LNX1: variants seen among roughly 807,000 people sequenced by gnomAD.
LNX1 encodes the protein ligand of numb-protein X 1.
A neutral mutation model predicts 68.4 loss-of-function variants in LNX1; 54 were observed. That is an observed-to-expected ratio of 0.79 (90% confidence interval 0.63 to 0.99). LNX1 has a LOEUF of 0.99. Among genes scored for constraint, LNX1 ranks in the 50% least tolerant of loss-of-function variants. The probability of loss-of-function intolerance (pLI) is 0.00; values close to 1 mark genes in which losing one functional copy is unlikely to be tolerated. For missense variants in LNX1, 906 were observed against 926.4 expected (o/e 0.98, Z 0.29); for synonymous variants, 336 against 350.0 (o/e 0.96, Z 0.45).
At chr4:53,642,890 G>A (rs1282119046) in intron 1 of LNX1, among the ~76,000 whole-genome samples, 1 of 152,154 alleles carries the variant, frequency 6.6e-6, no homozygotes, top group Non-Finnish European at 1.5e-5. Context: ...CGTTATGGTC[G>A]CCTGGGTGTA....
chr4:53,644,913 A>G (rs999698150), intron 1 of LNX1, among the ~76,000 whole-genome samples: 3 of 152,234 alleles, frequency 2.0e-5, no homozygotes, highest in African/African-American at 4.8e-5. Flanking sequence ...CAAGTAGCAC[A>G]GTCAAAATGC....
intron 8 of LNX1, 147 bp from the exon 9 acceptor site, chr4:53,477,128 C>A: frequency 1.4e-6 from 1 of 721,220 alleles, no homozygotes; most frequent in Non-Finnish European, 2.4e-6. Context: ...TGGGTGCTCA[C>A]ATAGCAAATG....
At chr4:53,590,818 A>G (rs1452154396) in intron 1 of LNX1, among the ~76,000 whole-genome samples, 1 of 152,224 alleles carries the variant, frequency 6.6e-6, no homozygotes, top group East Asian at 1.9e-4. Context: ...AACAAAGAGC[A>G]AAGAAAATGG....
chr4:53,602,234 C>G (rs2109836546), intron 2 of LNX1, among the ~76,000 whole-genome samples: 1 of 152,260 alleles, frequency 6.6e-6, no homozygotes. Flanking sequence ...CTAGGTCCTG[C>G]AAGCAACAGA....
intron 2 of LNX1, among the ~76,000 whole-genome samples, chr4:53,536,330 A>T (rs200910255): frequency 6.6e-6 from 1 of 151,732 alleles, no homozygotes; most frequent in African/African-American, 2.4e-5. Context: ...CTCACTCCAC[A>T]TCTTCAAGAG....
At chr4:53,553,885 G>T (rs1197756526) in intron 2 of LNX1, among the ~76,000 whole-genome samples, 1 of 152,186 alleles carries the variant, frequency 6.6e-6, no homozygotes, top group African/African-American at 2.4e-5. Context: ...AAACACACCT[G>T]ATAGCAATAA....
chr4:53,470,855 G>A (rs1723111857), intron 9 of LNX1, among the ~76,000 whole-genome samples: 1 of 151,946 alleles, frequency 6.6e-6, no homozygotes, highest in African/African-American at 2.4e-5. Context: ...CAAACAAATG[G>A]AAGAACATTC....
chr4:53,621,879 G>A (rs558116584), upstream of LNX1, among the ~76,000 whole-genome samples: 7 of 152,088 alleles, frequency 4.6e-5, no homozygotes, highest in East Asian at 1.9e-4. Context: ...CACCCCCACC[G>A]GATTTGTTGC....
upstream of LNX1, among the ~76,000 whole-genome samples, chr4:53,595,560 G>A (rs1480471566): frequency 6.6e-6 from 1 of 152,208 alleles, no homozygotes; most frequent in Non-Finnish European, 1.5e-5. Flanking sequence ...AGCCTCTTTT[G>A]CAGTCAACAT....
At chr4:53,529,482 C>T (rs187404912) in intron 2 of LNX1, among the ~76,000 whole-genome samples, 10 of 152,264 alleles carry the variant, frequency 6.6e-5, no homozygotes, top group South Asian at 2.1e-4. Context: ...CATAAGACTG[C>T]GATGCCTTGG....
At chr4:53,461,814 A>G (rs1722143300) in intron 9 of LNX1, among the ~76,000 whole-genome samples, 1 of 152,088 alleles carries the variant, frequency 6.6e-6, no homozygotes, top group Non-Finnish European at 1.5e-5. Context: ...TCCTTAAAAA[A>G]CTGACAGCCC....
At chr4:53,465,600 T>C (rs866621509) in intron 9 of LNX1, among the ~76,000 whole-genome samples, 4 of 152,224 alleles carry the variant, frequency 2.6e-5, no homozygotes, top group Non-Finnish European at 5.9e-5. Flanking sequence ...AAACTTCCAA[T>C]TCACCAACAA....
At chr4:53,502,081 G>T (rs1373132160) in intron 4 of LNX1, 2 of 152,016 alleles carry the variant, frequency 1.3e-5, no homozygotes, top group Non-Finnish European at 2.9e-5. Flanking sequence ...GAAAGAAAAT[G>T]ATTTGTTCAA....
chr4:53,544,758 C>T (rs1208174878), intron 2 of LNX1, among the ~76,000 whole-genome samples: 1 of 152,216 alleles, frequency 6.6e-6, no homozygotes, highest in Non-Finnish European at 1.5e-5. Context: ...AATGCCCATG[C>T]GCCAGGCACT....
intron 1 of LNX1, among the ~76,000 whole-genome samples, chr4:53,644,865 A>G (rs1296024546): frequency 6.6e-6 from 1 of 152,158 alleles, no homozygotes; most frequent in South Asian, 2.1e-4. Context: ...TAAGGGAGAG[A>G]TGTGGTAACA....
At chr4:53,634,507 G>T (rs1157183621) in intron 1 of LNX1, among the ~76,000 whole-genome samples, 2 of 152,104 alleles carry the variant, frequency 1.3e-5, no homozygotes, top group African/African-American at 2.4e-5. Context: ...GCCTCCCAAA[G>T]TGCTGGGATT....
intron 1 of LNX1, chr4:53,576,388 C>T: frequency 6.4e-7 from 1 of 1,567,452 alleles, no homozygotes; most frequent in South Asian, 1.2e-5. Context: ...GCAGGACTGA[C>T]CCCTCACATG....
chr4:53,506,985 G>A (rs987759475), intron 4 of LNX1, among the ~76,000 whole-genome samples: 18 of 151,332 alleles, frequency 1.2e-4, no homozygotes, highest in African/African-American at 4.4e-4. Flanking sequence ...TAAGGAGAGC[G>A]AATATATATA....
At chr4:53,533,990 T>C (rs1340818883) in intron 2 of LNX1, among the ~76,000 whole-genome samples, 3 of 152,040 alleles carry the variant, frequency 2.0e-5, no homozygotes, top group Admixed American at 6.5e-5. Context: ...GCAGTGAGGG[T>C]GGGCAGAGGT....
Sources: gnomAD v4.1 joint callset for allele counts (sites outside exome capture counted in the v4.1 genomes callset) on GRCh38, gnomAD v4.1.1 for gene constraint, MANE v1.5 for transcripts, NCBI Gene and HGNC (gene_info 2026-07-23, HGNC 2026-07-21) for gene names.